The following PNCK variants were observed in gnomAD, a reference collection of about 807,000 sequenced individuals.
PNCK encodes calcium/calmodulin-dependent protein kinase type 1B.
PNCK carries 21 observed loss-of-function variants against 28.3 expected under a neutral mutation model. The ratio of observed to expected loss-of-function variants is 0.74; its 90% CI spans 0.53 to 1.07. The LOEUF is 1.07. Ranked by LOEUF, PNCK falls within the 50% of genes least tolerant of loss-of-function variation. The pLI is 0.00. For missense variants in PNCK, 250 were observed against 298.3 expected (o/e 0.84, Z 1.19); for synonymous variants, 136 against 125.2 (o/e 1.09, Z -0.58).
rs2091269440 is a variant in PNCK, at chrX:153,669,784, C to G, written c.*354G>C. On this transcript the variant is annotated 3_prime_UTR_variant, in exon 12 of 12. Coordinates refer to ENST00000340888, the MANE Select transcript of PNCK (RefSeq NM_001366977.1). ...GGGAAAACTGGAGGGGGCTGGAAGG[C>G]CATGACCATGACACAAGCAGGACCA... is the stretch of plus-strand genomic sequence containing the variant. 1 of 341,545 alleles carries G rather than the reference C, an allele frequency of 2.9e-6. No individual in the cohort carries two copies. Among genetic ancestry groups the G allele is most frequent in the Admixed American group, 3.1e-5 (1 of 32,207 alleles). The allele number at this position is 341,545 out of a possible 1,213,427, so 28.1% of individuals were successfully genotyped here.
chrX:153,684,799 G>A (rs1460605408), intron 1 of PNCK, among the ~76,000 whole-genome samples: 2 of 93,742 alleles, frequency 2.1e-5, no homozygotes, highest in Non-Finnish European at 4.3e-5. Flanking sequence ...ACAAACAGGA[G>A]CATTCCGGCT....
chrX:153,676,652 T>C (rs782484210), upstream of PNCK, among the ~76,000 whole-genome samples: 1 of 111,014 alleles, frequency 9.0e-6, no homozygotes, highest in South Asian at 3.8e-4. Context: ...TCACCTGAGG[T>C]CAGGAGTTCG....
intron 1 of PNCK, chrX:153,673,494 C>G: frequency 2.3e-6 from 1 of 429,542 alleles, no homozygotes; most frequent in Non-Finnish European, 3.6e-6. Context: ...GCTGCCCAAG[C>G]CACCAAGCCG....
At chrX:153,676,737 G>A (rs1273115751), upstream of PNCK, among the ~76,000 whole-genome samples, 1 of 109,886 alleles carries the variant, frequency 9.1e-6, no homozygotes, top group South Asian at 3.9e-4. Context: ...GGTGGCTCAC[G>A]CCTGTAATCC....
chrX:153,673,953 G>C (rs1212450064), upstream of PNCK: 4 of 1,065,268 alleles, frequency 3.8e-6, no homozygotes, highest in Admixed American at 8.7e-5. Context: ...GCCGGGATCC[G>C]GCTCGGGTGC....
intron 1 of PNCK, among the ~76,000 whole-genome samples, chrX:153,686,216 C>T (rs1007251916): frequency 8.9e-6 from 1 of 112,060 alleles, no homozygotes; most frequent in Admixed American, 9.4e-5. Flanking sequence ...ATGATCCTGT[C>T]CCTGGCCTCG....
At chrX:153,672,467 C>T (rs1454468156) in intron 3 of PNCK, 99 bp downstream of exon 3, 2 of 1,095,682 alleles carry the variant, frequency 1.8e-6, no homozygotes, top group East Asian at 6.0e-5. Flanking sequence ...CTGCCCCAGG[C>T]CTCCCAAAGG....
chrX:153,682,852 A>G (rs139046144), intron 1 of PNCK, among the ~76,000 whole-genome samples: 180 of 112,421 alleles, frequency 1.6e-3, no homozygotes, highest in African/African-American at 5.5e-3. Flanking sequence ...CCCAAAACCT[A>G]TAAGAACTAA....
chrX:153,670,474 G>A lies in PNCK; in HGVS notation c.1015C>T (p.Gln339Ter). The A allele has an allele frequency of 8.3e-7, 1 of 1,211,446 alleles. No homozygotes were observed. Among genetic ancestry groups the A allele is most frequent in the Non-Finnish European group, 1.1e-6 (1 of 895,467 alleles). ...CCTGGGCATCACCACTTGGGGGGCT[G>A]GCCAGCACGGAGGCCTGAGTGGCTG... is the stretch of plus-strand genomic sequence containing the variant. ...RHSHSGLRAGQPPKW is the reference protein window; with the variant it reads ...RHSHSGLRAG The change falls in exon 11 of 12, where the codon CAG becomes TAG. Residue 339 changes from glutamine to a stop codon, truncating the protein, a stop_gained. Transcript: ENST00000340888. LOFTEE classifies it high-confidence loss of function.
chrX:153,687,154 A>C (rs2091424396), intron 1 of PNCK: 2 of 161,757 alleles, frequency 1.2e-5, no homozygotes, highest in Admixed American at 8.0e-5. Context: ...GGGGAGAGGA[A>C]CACGGGGTGG....
intron 2 of PNCK, 49 bp downstream of exon 2, chrX:153,672,960 C>G (rs1557040578): frequency 7.9e-6 from 7 of 882,867 alleles, no homozygotes. Context: ...CAGGTACACA[C>G]ACACACACAC....
chrX:153,672,418 C>T lies in PNCK; in HGVS notation c.200+148G>A, dbSNP rs2091314646. ...AAAAGCACAGATCAATATCAACTCACTCCCTTTGCCACAGGGATGTGCAGG... is the reference window on the plus strand; with the variant it reads ...AAAAGCACAGATCAATATCAACTCATTCCCTTTGCCACAGGGATGTGCAGG... On this transcript the variant is annotated intron_variant, in intron 3 of 11. Transcript: ENST00000340888. 5.4e-6 allele frequency: 5 copies of T among 918,859 alleles called. No homozygotes were observed. The Admixed American group carries it at 9.0e-5, about 16-fold the overall frequency. The allele number at this position is 918,859 out of a possible 1,213,427, so 75.7% of individuals were successfully genotyped here.
rs2091310536 is a variant in PNCK, at chrX:153,672,118, C to T, written c.275+8G>A. The stretch of plus-strand genomic sequence containing the variant: ...CCGGCTCCCACAGCCTGCCCAGGCC[C>T]TCCTCACAGTTCCATGGCCAGGTAG... On this transcript the variant is annotated splice_region_variant and intron_variant, in intron 4 of 11. Coordinates refer to ENST00000340888, the MANE Select transcript of PNCK (RefSeq NM_001366977.1). The T allele has an allele frequency of 2.5e-6, 3 of 1,201,947 alleles. No individual in the cohort carries two copies. The highest frequency in any genetic ancestry group is 4.7e-4 in the Middle Eastern group (2 of 4,289).
intron 1 of PNCK, chrX:153,686,702 T>G (rs1292943573): frequency 2.7e-5 from 3 of 111,848 alleles, no homozygotes; most frequent in Non-Finnish European, 5.7e-5. Flanking sequence ...AAACTTCTGA[T>G]GAGCAGTGTG....
At chrX:153,674,451 C>A (rs1557041240), upstream of PNCK, 2 of 272,418 alleles carry the variant, frequency 7.3e-6, no homozygotes, top group Non-Finnish European at 1.3e-5. Context: ...CCTGACGGCC[C>A]TAGCCTTTGC....
rs1174710605 is a variant in PNCK, at chrX:153,670,016, C to T, written c.*122G>A. 3.9e-5 allele frequency: 11 copies of T among 282,308 alleles called. No homozygotes were observed. The highest frequency in any genetic ancestry group is 6.9e-5 in the Non-Finnish European group (10 of 144,417). The allele number at this position is 282,308 out of a possible 1,213,427, so 23.3% of individuals were successfully genotyped here. ...CAACCCCAGCGCCATGCGCCACACC[C>T]TCAAATCTCAAAATCCAGCAGAGGC... On this transcript the variant is annotated 3_prime_UTR_variant, in exon 12 of 12. Coordinates refer to ENST00000340888, the MANE Select transcript of PNCK (RefSeq NM_001366977.1).
intron 1 of PNCK, chrX:153,673,509 G>A: frequency 2.5e-6 from 1 of 397,552 alleles, no homozygotes; most frequent in Middle Eastern, 7.1e-4. Context: ...AAGCCGCCCG[G>A]GATGCACCTG....
In PNCK at chrX:153,671,122, C is replaced by A; in HGVS notation, c.683G>T (p.Ser228Ile). 8.3e-7 allele frequency: 1 copy of A among 1,212,108 alleles called. No homozygotes were observed. The highest frequency in any genetic ancestry group is 1.1e-6 in the Non-Finnish European group (1 of 895,613). ...CCAGAAAGGAGAGTCAAACTCATAG[C>A]TGGCCCTCAGGATCTGGCTGAAGAG... The part of the protein sequence containing the change: ...PELFSQILRA[S>I]YEFDSPFWDD... Residue 228 changes from serine (S) to isoleucine (I), a missense_variant, in exon 8 of 12, where the codon AGC (serine) becomes ATC (isoleucine). Coordinates refer to ENST00000340888, the MANE Select transcript of PNCK (RefSeq NM_001366977.1).
Position 153,669,902 on chromosome X carries a change from G to A in PNCK, c.*236C>T, listed in dbSNP as rs11551668. On this transcript the variant is annotated 3_prime_UTR_variant, in exon 12 of 12. Transcript: ENST00000340888. ...CCCCTCGGCTTTTGGCGGGGCGGGG[G>A]GGGCAGGGGCGGGAGAGGCAACAGG... 2.6e-5 allele frequency: 9 copies of A among 340,232 alleles called. No homozygotes were observed. The highest frequency in any genetic ancestry group is 2.0e-4 in the East Asian group (2 of 10,219). 28.0% of individuals were successfully genotyped at this position (340,232 alleles called of 1,213,427 possible). A position where few individuals can be genotyped will look rare whatever the true frequency, so the allele number is the denominator to read the frequency against.
Sources: gnomAD v4.1 joint callset for allele counts (sites outside exome capture counted in the v4.1 genomes callset) on GRCh38, gnomAD v4.1.1 for gene constraint, MANE v1.5 for transcripts, NCBI Gene and HGNC (gene_info 2026-07-23, HGNC 2026-07-21) for gene names.